RHOF: variants seen among roughly 807,000 people sequenced by gnomAD.
RHOF encodes the protein ras homolog family member F, filopodia associated.
In RHOF, 21 loss-of-function variants were observed where a neutral mutation model predicts 22.2. The ratio of observed to expected loss-of-function variants is 0.95; its 90% CI spans 0.67 to 1.36. RHOF has a LOEUF of 1.36. Ranked by LOEUF, RHOF falls within the 40% of genes most tolerant of loss-of-function variation. RHOF has a pLI of 0.00. For synonymous variants in RHOF, 135 were observed against 131.2 expected (o/e 1.03, Z -0.20); for missense variants, 285 against 293.7 (o/e 0.97, Z 0.22).
intron 2 of RHOF, among the ~76,000 whole-genome samples, chr12:121,791,721 G>A (rs1477895845): frequency 6.6e-6 from 1 of 152,222 alleles, no homozygotes; most frequent in Non-Finnish European, 1.5e-5. Context: ...ATGATGTGGA[G>A]GCTGCCCTGA....
chr12:121,792,024 G>C (rs1874778250), intron 2 of RHOF, among the ~76,000 whole-genome samples: 1 of 152,230 alleles, frequency 6.6e-6, no homozygotes, highest in African/African-American at 2.4e-5. Context: ...CTGTTTTGGG[G>C]TTGGCCCTAC....
At chr12:121,792,012 C>T (rs1056974669) in intron 2 of RHOF, among the ~76,000 whole-genome samples, 1 of 152,256 alleles carries the variant, frequency 6.6e-6, no homozygotes, top group African/African-American at 2.4e-5. Flanking sequence ...TAGAGACAGG[C>T]GCTGTTTTGG....
At chr12:121,793,410 G>A (rs1874817448) in intron 1 of RHOF, 86 bp downstream of exon 1, 2 of 1,504,464 alleles carry the variant, frequency 1.3e-6, no homozygotes, top group South Asian at 2.4e-5. Context: ...GTCCGTGCTC[G>A]GGACGCTGGG....
intron 4 of RHOF, chr12:121,780,651 G>A (rs1874416594): frequency 5.1e-6 from 3 of 591,844 alleles, no homozygotes; most frequent in Non-Finnish European, 5.9e-6. Context: ...CTGTAAACTG[G>A]GGGATGTGAA....
At chr12:121,785,383 G>C (rs1469117651) in intron 2 of RHOF, among the ~76,000 whole-genome samples, 2 of 151,570 alleles carry the variant, frequency 1.3e-5, no homozygotes, top group African/African-American at 4.8e-5. Flanking sequence ...ATAAAATGGG[G>C]CCCCCTTGGA....
At chr12:121,793,342 C>A (rs982650682) in intron 1 of RHOF, 103 bp from the exon 2 acceptor site, 117 of 1,432,592 alleles carry the variant, frequency 8.2e-5, no homozygotes, top group Admixed American at 4.0e-5. Context: ...GATCAGCCCC[C>A]CCTCACCCCG....
intron 2 of RHOF, among the ~76,000 whole-genome samples, chr12:121,789,315 C>A (rs747837062): frequency 6.6e-6 from 1 of 151,980 alleles, no homozygotes; most frequent in Non-Finnish European, 1.5e-5. Context: ...TAGGCCTGGG[C>A]TCCCCCTAGA....
intron 2 of RHOF, among the ~76,000 whole-genome samples, chr12:121,791,458 A>T (rs1322195909): frequency 3.9e-5 from 6 of 152,182 alleles, no homozygotes; most frequent in Non-Finnish European, 8.8e-5. Context: ...CTGGGGTCAA[A>T]GCCCAGATCT....
Position 121,793,508 on chromosome 12 carries a change from G to T in RHOF, c.126C>A (p.Gly42=), listed in dbSNP as rs746910314. The T allele has an allele frequency of 6.5e-6, 10 of 1,542,732 alleles. No individual in the cohort carries two copies. The highest frequency in any genetic ancestry group is 7.8e-6 in the Non-Finnish European group (9 of 1,146,782). ...CTGCGGGCCTCACCTCGGGGAAGGAGCCCTGGCTGTACACCATGAGCAGCG... is the reference window on the plus strand; with the variant it reads ...CTGCGGGCCTCACCTCGGGGAAGGATCCCTGGCTGTACACCATGAGCAGCG... ...KTSLLMVYSQ[G]SFPEHYAPSV... The change falls in exon 1 of 5, where the codon GGC becomes GGA. Residue 42 remains glycine, a synonymous_variant. Transcript: ENST00000267205.
Position 121,778,734 on chromosome 12 carries a change from G to A in RHOF, c.*764C>T, listed in dbSNP as rs1212567869. ...CTGTCCTACCACAGTGGGGGGAACA[G>A]TCCACAGAAAACTTGCTCATGACCA... On this transcript the variant is annotated 3_prime_UTR_variant, in exon 5 of 5. Coordinates refer to ENST00000267205, the MANE Select transcript of RHOF (RefSeq NM_019034.3). 5 of 152,292 alleles carry A rather than the reference G, an allele frequency of 3.3e-5. No homozygotes were observed. Among genetic ancestry groups the A allele is most frequent in the Admixed American group, 3.3e-4 (5 of 15,284 alleles). 9.4% of individuals were successfully genotyped at this position (152,292 alleles called of 1,614,324 possible).
intron 2 of RHOF, among the ~76,000 whole-genome samples, chr12:121,785,953 CG>C (rs1186880151): frequency 6.7e-6 from 1 of 150,270 alleles, no homozygotes; most frequent in Non-Finnish European, 1.5e-5. Flanking sequence ...CTCACTCTAT[CG>C]CCCAGGCTGG....
At chr12:121,783,542 G>A (rs912726851) in intron 2 of RHOF, among the ~76,000 whole-genome samples, 3 of 152,056 alleles carry the variant, frequency 2.0e-5, no homozygotes, top group Non-Finnish European at 4.4e-5. Flanking sequence ...GAGTGCAATG[G>A]CGCGATCTCG....
chr12:121,787,107 G>A (rs929713728), intron 2 of RHOF, among the ~76,000 whole-genome samples: 3 of 152,142 alleles, frequency 2.0e-5, no homozygotes, highest in Non-Finnish European at 2.9e-5. Context: ...CCTCTCCTGC[G>A]GGCAGGAACC....
chr12:121,789,147 T>G (rs1224986831), intron 2 of RHOF, among the ~76,000 whole-genome samples: 3 of 152,116 alleles, frequency 2.0e-5, no homozygotes, highest in African/African-American at 7.2e-5. Flanking sequence ...GGAGGATCAC[T>G]TGAGCCCAAG....
intron 4 of RHOF, 171 bp from the exon 5 acceptor site, chr12:121,779,833 G>A: frequency 1.5e-6 from 1 of 685,214 alleles, no homozygotes; most frequent in Non-Finnish European, 2.4e-6. Flanking sequence ...TGGAATGGAG[G>A]GCCAGGGCAG....
intron 2 of RHOF, among the ~76,000 whole-genome samples, chr12:121,783,315 T>C (rs1874521438): frequency 8.2e-6 from 1 of 122,090 alleles, no homozygotes; most frequent in South Asian, 2.5e-4. Flanking sequence ...GGCTCCCTAT[T>C]GCCCCCCCCC....
intron 2 of RHOF, among the ~76,000 whole-genome samples, chr12:121,789,776 T>C (rs1874716368): frequency 6.6e-6 from 1 of 152,190 alleles, no homozygotes; most frequent in Non-Finnish European, 1.5e-5. Context: ...TGGTTCCTTG[T>C]CTTAGCAAAT....
chr12:121,779,455 C>G lies in RHOF; in HGVS notation c.*43G>C. Reference sequence around the variant, plus strand: ...CCCTGGTGCAATCGGCACCTGGGCCCCCGGGCCCTGTCAGTGCTGTCGTGA... The same window carrying G: ...CCCTGGTGCAATCGGCACCTGGGCCGCCGGGCCCTGTCAGTGCTGTCGTGA... On this transcript the variant is annotated 3_prime_UTR_variant, in exon 5 of 5. Transcript: ENST00000267205. 1 of 1,598,706 alleles carries G rather than the reference C, an allele frequency of 6.3e-7. No individual in the cohort carries two copies. Among genetic ancestry groups the G allele is most frequent in the Non-Finnish European group, 8.5e-7 (1 of 1,174,990 alleles).
intron 2 of RHOF, chr12:121,781,999 T>TAAAC (rs1231348067): frequency 6.6e-6 from 1 of 152,226 alleles, no homozygotes; most frequent in East Asian, 1.9e-4. Flanking sequence ...TTCTTCTTTA[T>TAAAC]AAACAATTCT....
Sources: allele counts gnomAD v4.1 joint callset (sites outside exome capture counted in the v4.1 genomes callset), GRCh38; gene constraint gnomAD v4.1.1; transcripts MANE v1.5; gene names NCBI Gene and HGNC (gene_info 2026-07-23, HGNC 2026-07-21).